Variants in DYRK3 observed in about 807,000 individuals in gnomAD.
DYRK3 encodes dual specificity tyrosine-phosphorylation-regulated kinase 3.
Under a neutral mutation model 40.8 loss-of-function variants are expected in DYRK3, and 30 were observed. The ratio of observed to expected loss-of-function variants is 0.74; its 90% CI spans 0.55 to 1.00. The LOEUF (loss-of-function observed/expected upper bound fraction) is 1.00. Ranked by LOEUF, DYRK3 falls within the 50% of genes least tolerant of loss-of-function variation. DYRK3 has a pLI of 0.00. For synonymous variants in DYRK3, 272 were observed against 260.7 expected (o/e 1.04, Z -0.42); for missense variants, 699 against 731.5 (o/e 0.96, Z 0.51).
rs556180250 is a variant in DYRK3 at position 206,651,442 on chromosome 1, G to C, written c.*2477G>C. On this transcript the variant is annotated 3_prime_UTR_variant, in exon 3 of 3. Coordinates refer to ENST00000367109, the MANE Select transcript of DYRK3 (RefSeq NM_003582.4). ...GCCTTCTTTCAACTACCAAGAAATGGATGATTTCTCTGCCAACTCCAGGAA... is the reference window on the plus strand; with the variant it reads ...GCCTTCTTTCAACTACCAAGAAATGCATGATTTCTCTGCCAACTCCAGGAA... Among the ~76,000 whole-genome samples, 5 of 152,310 alleles carry C rather than the reference G, an allele frequency of 3.3e-5. No individual in the cohort carries two copies. The highest frequency in any genetic ancestry group is 1.2e-4 in the African/African-American group (5 of 41,556).
chr1:206,654,468 G>A lies in DYRK3; in HGVS notation c.*5503G>A, dbSNP rs969554897. Among the ~76,000 whole-genome samples the A allele has an allele frequency of 6.6e-6, 1 of 152,164 alleles. No homozygotes were observed. The highest frequency in any genetic ancestry group is 6.5e-5 in the Admixed American group (1 of 15,270). ...CCAGGGATTGGCAAATCAAAGAAGA[G>A]TTCTCTTCTGCCAGGGATTAGCCTC... On this transcript the variant is annotated 3_prime_UTR_variant, in exon 3 of 3. Transcript: ENST00000367109.
rs1671578404 is a variant in DYRK3, at chr1:206,649,626, T to C, written c.*661T>C. On this transcript the variant is annotated 3_prime_UTR_variant, in exon 3 of 3. Transcript: ENST00000367109. ...GCATTTTACAGAAGCCTTACCACTT[T>C]ACTAAATAACCCTGTAAGGTACTGA... 6.6e-6 allele frequency among the ~76,000 whole-genome samples: 1 copy of C among 152,254 alleles called. No homozygotes were observed.
Position 206,654,020 on chromosome 1 carries a change from C to G in DYRK3, c.*5055C>G, listed in dbSNP as rs1262931295. Among the ~76,000 whole-genome samples the G allele has an allele frequency of 6.6e-6, 1 of 152,198 alleles. No individual in the cohort carries two copies. The highest frequency in any genetic ancestry group is 1.5e-5 in the Non-Finnish European group (1 of 68,030). The stretch of plus-strand genomic sequence containing the variant: ...GCAGCTGGTCATGTTAAAACACTTT[C>G]TGTTTTGCTTAATTCGTAACTAGGC... On this transcript the variant is annotated 3_prime_UTR_variant, in exon 3 of 3. Transcript: ENST00000367109.
At position 206,647,906 on chromosome 1, in the gene DYRK3, C is replaced by T. The variant is rs781990371; in HGVS notation, c.708C>T (p.Ala236=). ...ATCACAAACTTCGACAGTACGTGGC[C>T]CTAAAAATGGTGCGCAATGAGAAGC... ...VYDHKLRQYV[A]LKMVRNEKRF... is the part of the protein sequence containing the mutation. Residue 236 remains alanine, a synonymous_variant, in exon 3 of 3, where the codon GCC becomes GCT. Transcript: ENST00000367109. 1.9e-5 allele frequency: 31 copies of T among 1,613,726 alleles called. No individual in the cohort carries two copies. Among genetic ancestry groups the T allele is most frequent in the Non-Finnish European group, 2.5e-5 (30 of 1,179,986 alleles).
At position 206,635,962 on chromosome 1, in the gene DYRK3, CCTGTCTCACCGGG is replaced by C. The variant is rs1338412702; in HGVS notation, c.77+184_77+196del. 7 of 1,334,854 alleles carry C rather than the reference CCTGTCTCACCGGG, an allele frequency of 5.2e-6. No individual in the cohort carries two copies. The African/African-American group carries it at 1.0e-4, about 20-fold the overall frequency. 82.7% of individuals were successfully genotyped at this position (1,334,854 alleles called of 1,614,324 possible). A position where few individuals can be genotyped will look rare whatever the true frequency, so the allele number is the denominator to read the frequency against. ...TCTATCAGGGCCCCCTCCCCCCATC[CCTGTCTCACCGGG>C]CGCGGGGGACGGGGCTAGAGCGGAG... On this transcript the variant is annotated intron_variant, in intron 1 of 2. Transcript: ENST00000367109.
At position 206,652,435 on chromosome 1, in the gene DYRK3, C is replaced by T. The variant is rs528411209; in HGVS notation, c.*3470C>T. 3.9e-5 allele frequency among the ~76,000 whole-genome samples: 6 copies of T among 152,190 alleles called. No individual in the cohort carries two copies. The highest frequency in any genetic ancestry group is 3.3e-4 in the Admixed American group (5 of 15,290). On this transcript the variant is annotated 3_prime_UTR_variant, in exon 3 of 3. Transcript: ENST00000367109. Reference sequence around the variant, plus strand: ...TGGTGCGTGCTCTATTTCTGTGTATCGAATGGACTACAAGGTTACTGAAAC... The same window carrying T: ...TGGTGCGTGCTCTATTTCTGTGTATTGAATGGACTACAAGGTTACTGAAAC...
rs1385394537 is a variant in DYRK3, at chr1:206,635,607, A to C, written c.-97A>C. 1.6e-6 allele frequency: 2 copies of C among 1,224,450 alleles called. No individual in the cohort carries two copies. Among genetic ancestry groups the C allele is most frequent in the Non-Finnish European group, 2.0e-6 (2 of 978,260 alleles). The allele number at this position is 1,224,450 out of a possible 1,614,324, so 75.8% of individuals were successfully genotyped here. A position where few individuals can be genotyped will look rare whatever the true frequency, so the allele number is the denominator to read the frequency against. On this transcript the variant is annotated 5_prime_UTR_variant, in exon 1 of 3. Transcript: ENST00000367109. ...GTGTCTGGTCGAGAGTACCCGTGGG[A>C]GCGTCGCGCCGCGGAGGCAGCCGTC...
chr1:206,654,913 C>A lies in DYRK3; in HGVS notation c.*5948C>A, dbSNP rs1671714993. Among the ~76,000 whole-genome samples the A allele has an allele frequency of 6.6e-6, 1 of 152,192 alleles. No homozygotes were observed. The highest frequency in any genetic ancestry group is 2.4e-5 in the African/African-American group (1 of 41,458). Reference sequence around the variant, plus strand: ...TAGAGTCTCACATCTTCTGCCACCACATGAATAGACTAAAAAGAAAGGAGA... The same window carrying A: ...TAGAGTCTCACATCTTCTGCCACCAAATGAATAGACTAAAAAGAAAGGAGA... On this transcript the variant is annotated 3_prime_UTR_variant, in exon 3 of 3. Transcript: ENST00000367109.
At chr1:206,645,773 C>T (rs995851150) in intron 2 of DYRK3, among the ~76,000 whole-genome samples, 4 of 151,932 alleles carry the variant, frequency 2.6e-5, no homozygotes, top group Non-Finnish European at 5.9e-5. Flanking sequence ...GTGATCTGCC[C>T]GTCTTGGCCT....
At position 206,648,635 on chromosome 1, in the gene DYRK3, C is replaced by G; in HGVS notation, c.1437C>G (p.Gly479=). The change falls in exon 3 of 3, where the codon GGC becomes GGG. Residue 479 remains glycine, a synonymous_variant. Coordinates refer to ENST00000367109, the MANE Select transcript of DYRK3 (RefSeq NM_003582.4). ...GGGGTAAAAAGCGGGGTCCCCCAGG[C>G]AGCAAAGACTGGGGGACAGCACTGA... ...SRRGKKRGPP[G]SKDWGTALKG... is the part of the protein sequence containing the mutation. 6.2e-7 allele frequency: 1 copy of G among 1,613,588 alleles called. No homozygotes were observed. The highest frequency in any genetic ancestry group is 8.5e-7 in the Non-Finnish European group (1 of 1,179,682).
rs1159940846 is a variant in DYRK3 at position 206,641,082 on chromosome 1, GT to G, written c.189+3331del. Among the ~76,000 whole-genome samples the G allele has an allele frequency of 6.1e-4, 91 of 148,322 alleles. 1 individual carries two copies. The highest frequency in any genetic ancestry group is 2.1e-3 in the African/African-American group (83 of 40,404). Reference sequence around the variant, plus strand: ...TAACCCTAGACTAGAAATATTTAGTGTTTTTTTTTTCAATAGGTTTTTGGGG... The same window carrying G: ...TAACCCTAGACTAGAAATATTTAGTGTTTTTTTTTCAATAGGTTTTTGGGG... On this transcript the variant is annotated intron_variant, in intron 2 of 2. Transcript: ENST00000367109.
rs1236157546 is a variant in DYRK3 at position 206,649,791 on chromosome 1, G to A, written c.*826G>A. ...AAAACTGCAGTTCCCCAGCTTTGTG[G>A]TACTCCACGGACCAGCCTCCTTGCT... On this transcript the variant is annotated 3_prime_UTR_variant, in exon 3 of 3. Transcript: ENST00000367109. Among the ~76,000 whole-genome samples the A allele has an allele frequency of 1.3e-5, 2 of 152,152 alleles. No homozygotes were observed. The highest frequency in any genetic ancestry group is 4.8e-5 in the African/African-American group (2 of 41,434).
Position 206,650,793 on chromosome 1 carries a change from A to G in DYRK3, c.*1828A>G, listed in dbSNP as rs1186668381. Among the ~76,000 whole-genome samples, 1 of 152,344 alleles carries G rather than the reference A, an allele frequency of 6.6e-6. No homozygotes were observed. The highest frequency in any genetic ancestry group is 1.9e-4 in the East Asian group (1 of 5,188). The stretch of plus-strand genomic sequence containing the variant: ...GCTGTAGCATAGGCTGTGAAAAATG[A>G]GAGAGTGCAAATCTCTCTCATTTAA... On this transcript the variant is annotated 3_prime_UTR_variant, in exon 3 of 3. Transcript: ENST00000367109.
Position 206,652,008 on chromosome 1 carries a change from C to G in DYRK3, c.*3043C>G, listed in dbSNP as rs1019860218. Among the ~76,000 whole-genome samples, 3 of 152,174 alleles carry G rather than the reference C, an allele frequency of 2.0e-5. No homozygotes were observed. Among genetic ancestry groups the G allele is most frequent in the Non-Finnish European group, 2.9e-5 (2 of 68,036 alleles). On this transcript the variant is annotated 3_prime_UTR_variant, in exon 3 of 3. Transcript: ENST00000367109. ...AGAGTTGGTTAAATGTAGCCAGCAG[C>G]AGTGTCAAGACAGCTGACACTGTCT...
chr1:206,648,090 C>G lies in DYRK3; in HGVS notation c.892C>G (p.Leu298Val). The G allele has an allele frequency of 6.2e-7, 1 of 1,613,950 alleles. No individual in the cohort carries two copies. Among genetic ancestry groups the G allele is most frequent in the South Asian group, 1.1e-5 (1 of 91,068 alleles). Residue 298 changes from leucine (L) to valine (V), a missense_variant, in exon 3 of 3, where the codon CTG (leucine) becomes GTG (valine). Transcript: ENST00000367109. ...ATTGCTGAGCATAGACCTTTATGAG[C>G]TGATTAAAAAAAATAAGTTTCAGGG... ...FELLSIDLYE[L>V]IKKNKFQGFS...
intron 2 of DYRK3, among the ~76,000 whole-genome samples, chr1:206,644,030 G>GGTTTTTTTTTT (rs1558557214): frequency 1.1e-5 from 1 of 88,072 alleles, no homozygotes; most frequent in African/African-American, 3.9e-5. Context: ...GGGACCTACA[G>GGTTTTTTTTTT]CTTTTTTTTT....
At position 206,648,520 on chromosome 1, in the gene DYRK3, ACT is replaced by A; in HGVS notation, c.1323_1324del (p.Phe442TyrfsTer2). On this transcript the variant is annotated frameshift_variant, in exon 3 of 3. Coordinates refer to ENST00000367109, the MANE Select transcript of DYRK3 (RefSeq NM_003582.4). LOFTEE classifies it high-confidence loss of function. Reference sequence around the variant, plus strand: ...CTGGAGCAATCCAAACGTGCCAAGTACTTTATTAATTCCAAGGGCATACCCCG... The same window carrying A: ...CTGGAGCAATCCAAACGTGCCAAGTATTATTAATTCCAAGGGCATACCCCG... 1 of 1,614,148 alleles carries A rather than the reference ACT, an allele frequency of 6.2e-7. No individual in the cohort carries two copies.
intron 2 of DYRK3, among the ~76,000 whole-genome samples, chr1:206,646,661 G>A (rs945774719): frequency 1.3e-5 from 2 of 152,166 alleles, no homozygotes; most frequent in Non-Finnish European, 1.5e-5. Context: ...GATTGAGCAC[G>A]TTGTTGATTC....
rs1553418568 is a variant in DYRK3, at chr1:206,637,633, G to A, written c.78-17G>A. 2 of 1,575,440 alleles carry A rather than the reference G, an allele frequency of 1.3e-6. No individual in the cohort carries two copies. Among genetic ancestry groups the A allele is most frequent in the East Asian group, 4.5e-5 (2 of 44,670 alleles). ...CTTCAGTTCCTGACAGATTTTGTCT[G>A]TAATCCTTTTAACTAGGTTGGGGGA... On this transcript the variant is annotated splice_polypyrimidine_tract_variant and intron_variant, in intron 1 of 2. Coordinates refer to ENST00000367109, the MANE Select transcript of DYRK3 (RefSeq NM_003582.4).
Sources: allele counts gnomAD v4.1 joint callset (sites outside exome capture counted in the v4.1 genomes callset), GRCh38; gene constraint gnomAD v4.1.1; transcripts MANE v1.5; gene names NCBI Gene and HGNC (gene_info 2026-07-23, HGNC 2026-07-21).